Variants in FGF1 observed in about 807,000 individuals in gnomAD.
FGF1 encodes the protein fibroblast growth factor 1.
Under a neutral mutation model 13.4 loss-of-function variants are expected in FGF1, and 9 were observed. The ratio of observed to expected loss-of-function variants is 0.67; its 90% confidence interval spans 0.40 to 1.17. The LOEUF is 1.17. Among genes scored for constraint, FGF1 ranks in the 50% most tolerant of loss-of-function variants. FGF1 has a pLI of 0.01. For missense variants in FGF1, 156 were observed against 192.7 expected (o/e 0.81, Z 1.13); for synonymous variants, 93 against 79.0 (o/e 1.18, Z -0.94).
chr5:142,656,085 T>C (rs1232470363), intron 1 of FGF1, among the ~76,000 whole-genome samples: 1 of 152,192 alleles, frequency 6.6e-6, no homozygotes, highest in Non-Finnish European at 1.5e-5. Context: ...ATAATTGTTT[T>C]TAAAATTTCT....
intron 2 of FGF1, among the ~76,000 whole-genome samples, chr5:142,695,373 T>C (rs1487743733): frequency 6.6e-6 from 1 of 151,698 alleles, no homozygotes; most frequent in Non-Finnish European, 1.5e-5. Flanking sequence ...GGTCAGGAGG[T>C]CAGTTCGAGA....
chr5:142,682,692 G>A (rs1009136128), intron 1 of FGF1, among the ~76,000 whole-genome samples: 4 of 152,174 alleles, frequency 2.6e-5, no homozygotes, highest in African/African-American at 9.7e-5. Flanking sequence ...GGAAAACAAC[G>A]AAAAAGTTAA....
intron 1 of FGF1, among the ~76,000 whole-genome samples, chr5:142,651,789 T>C (rs777766592): frequency 9.2e-5 from 14 of 152,096 alleles, no homozygotes; most frequent in Non-Finnish European, 1.9e-4. Context: ...GTAATATGCC[T>C]TTAAAATTCC....
chr5:142,659,012 C>T (rs1396968393), intron 1 of FGF1, among the ~76,000 whole-genome samples: 2 of 152,108 alleles, frequency 1.3e-5, no homozygotes, highest in African/African-American at 2.4e-5. Flanking sequence ...AGAACAATTA[C>T]ATAACCAACA....
chr5:142,653,006 G>A (rs1027748758), intron 1 of FGF1, among the ~76,000 whole-genome samples: 1 of 152,110 alleles, frequency 6.6e-6, no homozygotes, highest in Admixed American at 6.5e-5. Flanking sequence ...CCTCTGTCTC[G>A]TTTTCTTCCC....
chr5:142,618,937 T>TG (rs1760851034), intron 1 of FGF1, among the ~76,000 whole-genome samples: 2 of 134,210 alleles, frequency 1.5e-5, no homozygotes, highest in South Asian at 2.5e-4. Context: ...TTGTTTTTTT[T>TG]TTTTTTTTTT....
chr5:142,666,227 C>A (rs13180148), intron 1 of FGF1, among the ~76,000 whole-genome samples: 86,875 of 86,876 alleles, frequency 1, 43,437 homozygotes, highest in Middle Eastern at 1. Context: ...AGGACTTTTC[C>A]CTGGTTTCAT....
intron 1 of FGF1, among the ~76,000 whole-genome samples, chr5:142,620,046 C>T (rs1761211963): frequency 6.6e-6 from 1 of 151,260 alleles, no homozygotes; most frequent in South Asian, 2.1e-4. Flanking sequence ...TTACAAGAGA[C>T]ACATTTAAAA....
At chr5:142,672,017 C>CA (rs1478190780) in intron 1 of FGF1, 1 of 152,082 alleles carries the variant, frequency 6.6e-6, no homozygotes, top group East Asian at 1.9e-4. Flanking sequence ...TGGAATTGCA[C>CA]AAAAAACATA....
chr5:142,657,244 G>A (rs1768326966), intron 1 of FGF1, among the ~76,000 whole-genome samples: 1 of 152,086 alleles, frequency 6.6e-6, no homozygotes, highest in South Asian at 2.1e-4. Flanking sequence ...TAATGTAAAG[G>A]AAAAAACAAC....
chr5:142,634,028 C>CAA (rs199629335), intron 1 of FGF1, among the ~76,000 whole-genome samples: 4,378 of 144,378 alleles, frequency 0.03, 219 homozygotes, highest in African/African-American at 0.1. Context: ...ACTAAAAATA[C>CAA]CAAAAAAAAA....
intron 2 of FGF1, among the ~76,000 whole-genome samples, chr5:142,697,346 G>A (rs894914533): frequency 9.2e-4 from 140 of 152,284 alleles, no homozygotes; most frequent in African/African-American, 3.2e-3. Flanking sequence ...TCTCAGCAAA[G>A]ATAATTCACT....
intron 2 of FGF1, among the ~76,000 whole-genome samples, chr5:142,610,864 C>T (rs1265071870): frequency 6.6e-6 from 1 of 152,128 alleles, no homozygotes; most frequent in Non-Finnish European, 1.5e-5. Context: ...AGGTTAGGTA[C>T]TTGGAAACTC....
intron 1 of FGF1, among the ~76,000 whole-genome samples, chr5:142,639,342 T>G (rs1425895627): frequency 6.6e-6 from 1 of 152,006 alleles, no homozygotes; most frequent in African/African-American, 2.4e-5. Flanking sequence ...ACACATTTCT[T>G]CTAAAGAAAA....
intron 1 of FGF1, among the ~76,000 whole-genome samples, chr5:142,635,965 A>T (rs1764183926): frequency 6.6e-6 from 1 of 152,120 alleles, no homozygotes; most frequent in African/African-American, 2.4e-5. Context: ...GCCCATTTTG[A>T]TATGTTTATT....
In FGF1 at chr5:142,672,543, C is replaced by A. The variant is rs530930981; in HGVS notation, c.-35+13414G>T. Among the ~76,000 whole-genome samples the A allele has an allele frequency of 2.2e-5, 3 of 136,220 alleles. No individual in the cohort carries two copies. The South Asian group carries it at 7.1e-4, about 32-fold the overall frequency. 89.4% of individuals were successfully genotyped at this position (136,220 alleles called of 152,430 possible). A position where few individuals can be genotyped will look rare whatever the true frequency, so the allele number is the denominator to read the frequency against. On this transcript the variant is annotated intron_variant, in intron 1 of 3. Coordinates refer to ENST00000337706, the MANE Select transcript of FGF1 (RefSeq NM_000800.5). ...TTTTTGAAACCAAGTCTCACTCTGT[C>A]GCCCAGGCTGGAATGCAATGGTGTG...
intron 1 of FGF1, among the ~76,000 whole-genome samples, chr5:142,627,838 C>G (rs1371601052): frequency 6.6e-6 from 1 of 152,178 alleles, no homozygotes; most frequent in Non-Finnish European, 1.5e-5. Context: ...AGGATGTGGT[C>G]TATTTCTAGA....
chr5:142,637,914 C>T (rs1764552604), intron 1 of FGF1, among the ~76,000 whole-genome samples: 1 of 151,988 alleles, frequency 6.6e-6, no homozygotes, highest in South Asian at 2.1e-4. Context: ...TCTCAAGTTG[C>T]CTTCTGGTCT....
intron 2 of FGF1, among the ~76,000 whole-genome samples, chr5:142,696,492 A>C (rs1413176116): frequency 6.6e-6 from 1 of 152,184 alleles, no homozygotes; most frequent in Non-Finnish European, 1.5e-5. Context: ...TGACCCTGAG[A>C]TTCTAGCTAG....
Sources: allele counts gnomAD v4.1 joint callset (sites outside exome capture counted in the v4.1 genomes callset), GRCh38; gene constraint gnomAD v4.1.1; transcripts MANE v1.5; gene names NCBI Gene and HGNC (gene_info 2026-07-23, HGNC 2026-07-21).